TAX1BP1: variants seen among roughly 807,000 people sequenced by gnomAD.
TAX1BP1 encodes Tax1 binding protein 1, also known as tax1-binding protein 1.
A neutral mutation model predicts 97.7 loss-of-function variants in TAX1BP1; 62 were observed. The ratio of observed to expected loss-of-function variants is 0.63; its 90% confidence interval spans 0.52 to 0.78. The LOEUF (loss-of-function observed/expected upper bound fraction) is 0.78. TAX1BP1 is among the 30% of genes least tolerant of loss of function. The probability of loss-of-function intolerance (pLI) is 0.00; values close to 1 mark genes in which losing one functional copy is unlikely to be tolerated. For synonymous variants in TAX1BP1, 340 were observed against 304.2 expected (o/e 1.12, Z -1.23); for missense variants, 867 against 916.1 (o/e 0.95, Z 0.69).
At chr7:27,804,900 A>G (rs945764800) in intron 13 of TAX1BP1, among the ~76,000 whole-genome samples, 1 of 152,170 alleles carries the variant, frequency 6.6e-6, no homozygotes, top group African/African-American at 2.4e-5. Context: ...CATTATACAT[A>G]CCATAATTTA....
rs773876207 is a variant in TAX1BP1 at position 27,766,040 on chromosome 7, A to T, written c.453+19A>T. On this transcript the variant is annotated intron_variant, in intron 4 of 16. Transcript: ENST00000396319. ...TCTTGAGGTTGGTGTTCACAGTGAG[A>T]TAGTGATTCATTGATAATTTTAAGA... 1 of 1,601,212 alleles carries T rather than the reference A, an allele frequency of 6.2e-7. No homozygotes were observed. Among genetic ancestry groups the T allele is most frequent in the Non-Finnish European group, 8.5e-7 (1 of 1,172,570 alleles).
intron 3 of TAX1BP1, among the ~76,000 whole-genome samples, chr7:27,762,540 A>G (rs760751101): frequency 6.6e-6 from 1 of 152,078 alleles, no homozygotes; most frequent in African/African-American, 2.4e-5. Context: ...GTTGAAAAAA[A>G]TTTATTCAAT....
intron 3 of TAX1BP1, among the ~76,000 whole-genome samples, chr7:27,762,859 G>A (rs1209057252): frequency 6.6e-6 from 1 of 152,142 alleles, no homozygotes; most frequent in East Asian, 1.9e-4. Context: ...GGCTGAGGTG[G>A]GGAGGATCAC....
At chr7:27,783,069 G>C (rs1789325500) in intron 5 of TAX1BP1, among the ~76,000 whole-genome samples, 1 of 152,150 alleles carries the variant, frequency 6.6e-6, no homozygotes, top group Non-Finnish European at 1.5e-5. Flanking sequence ...TTAGGAGTGG[G>C]AGGAAAGTCC....
chr7:27,773,545 A>G (rs930477569), intron 5 of TAX1BP1, among the ~76,000 whole-genome samples: 1 of 152,090 alleles, frequency 6.6e-6, no homozygotes, highest in Non-Finnish European at 1.5e-5. Flanking sequence ...GAATGGAATC[A>G]TATAATATGT....
At chr7:27,764,905 G>T (rs1788563819) in intron 3 of TAX1BP1, among the ~76,000 whole-genome samples, 1 of 142,838 alleles carries the variant, frequency 7.0e-6, no homozygotes, top group African/African-American at 2.6e-5. Flanking sequence ...ATTTTTTTTT[G>T]ACATGCTCCA....
chr7:27,826,106 C>T (rs1791169260), intron 15 of TAX1BP1, among the ~76,000 whole-genome samples: 1 of 152,156 alleles, frequency 6.6e-6, no homozygotes, highest in African/African-American at 2.4e-5. Flanking sequence ...AATTCACTGT[C>T]CTACATACTA....
chr7:27,825,115 T>A (rs1324946859), intron 15 of TAX1BP1, among the ~76,000 whole-genome samples: 2 of 152,010 alleles, frequency 1.3e-5, no homozygotes, highest in Non-Finnish European at 2.9e-5. Context: ...AAAAAATCAG[T>A]GTTACATGGT....
At chr7:27,769,921 T>G in intron 5 of TAX1BP1, 87 bp downstream of exon 5, 1 of 1,328,848 alleles carries the variant, frequency 7.5e-7, no homozygotes, top group Non-Finnish European at 1.1e-6. Context: ...ATTAAGTAAG[T>G]GAAAACCAGG....
intron 12 of TAX1BP1, among the ~76,000 whole-genome samples, chr7:27,799,283 C>G (rs985799063): frequency 6.6e-5 from 10 of 152,128 alleles, no homozygotes; most frequent in African/African-American, 2.4e-4. Flanking sequence ...TTTAAGCGTT[C>G]ACATTGAACA....
rs932294140 is a variant in TAX1BP1 at position 27,796,018 on chromosome 7, A to G, written c.1535-98A>G. ...TCTGTCCTTCAGCATTCCATTTACT[A>G]TATTTTACAGTATACTGACCTTTAA... On this transcript the variant is annotated intron_variant, in intron 11 of 16. Coordinates refer to ENST00000396319, the MANE Select transcript of TAX1BP1 (RefSeq NM_006024.7). 4.8e-5 allele frequency: 39 copies of G among 816,686 alleles called. 1 individual carries two copies. The highest frequency in any genetic ancestry group is 4.1e-4 in the African/African-American group (23 of 55,946). The allele number at this position is 816,686 out of a possible 1,614,324, so 50.6% of individuals were successfully genotyped here.
rs1789787579 is a variant in TAX1BP1, at chr7:27,793,212, A to G, written c.1410A>G (p.Ser470=). ...QKQINKLSDQ[S]ANNNNVFTKK... ...AAATAAACAAACTTTCAGATCAATC[A>G]GTAAGTATCATTAAATTTACACATA... is the stretch of plus-strand genomic sequence containing the variant. Residue 470 remains serine (S), a splice_region_variant and synonymous_variant, in exon 10 of 17, where the codon TCA becomes TCG. Coordinates refer to ENST00000396319, the MANE Select transcript of TAX1BP1 (RefSeq NM_006024.7). The G allele has an allele frequency of 6.4e-7, 1 of 1,570,840 alleles. No individual in the cohort carries two copies. Among genetic ancestry groups the G allele is most frequent in the Non-Finnish European group, 8.6e-7 (1 of 1,169,144 alleles).
In TAX1BP1 at chr7:27,788,656, AC is replaced by A. The variant is rs1348154547; in HGVS notation, c.1038+1056del. Among the ~76,000 whole-genome samples, 13 of 152,106 alleles carry A rather than the reference AC, an allele frequency of 8.5e-5. No individual in the cohort carries two copies. The East Asian group carries it at 2.5e-3, about 29-fold the overall frequency. On this transcript the variant is annotated intron_variant, in intron 8 of 16. Coordinates refer to ENST00000396319, the MANE Select transcript of TAX1BP1 (RefSeq NM_006024.7). ...CATAATCATCATTATTCTTTTTCAT[AC>A]CCAAATTGTTCTGAATTTAACCAGG...
At chr7:27,814,849 G>T (rs1244478468) in intron 13 of TAX1BP1, among the ~76,000 whole-genome samples, 1 of 151,782 alleles carries the variant, frequency 6.6e-6, no homozygotes, top group East Asian at 1.9e-4. Context: ...AATTCTTTCT[G>T]CCTCAGCCTC....
Position 27,802,961 on chromosome 7 carries a change from A to G in TAX1BP1, c.1764+2871A>G, listed in dbSNP as rs1375570397. On this transcript the variant is annotated intron_variant, in intron 13 of 16. Coordinates refer to ENST00000396319, the MANE Select transcript of TAX1BP1 (RefSeq NM_006024.7). ...CAAGTTGGTCAATAAATGACAAGTA[A>G]TTCAGAGAAGTCAAAGAATTAGCTG... 4 of 701,206 alleles carry G rather than the reference A, an allele frequency of 5.7e-6. No individual in the cohort carries two copies. In the East Asian group the frequency reaches 1.2e-4, roughly 21 times the overall value. The allele number at this position is 701,206 out of a possible 1,614,324, so 43.4% of individuals were successfully genotyped here.
At chr7:27,777,008 C>G (rs1266694807) in intron 5 of TAX1BP1, among the ~76,000 whole-genome samples, 3 of 151,812 alleles carry the variant, frequency 2.0e-5, no homozygotes, top group Non-Finnish European at 4.4e-5. Context: ...TTTTTCATGT[C>G]TTTCATGTTT....
rs566558379 is a variant in TAX1BP1, at chr7:27,817,140, G to A, written c.2085+102G>A. 1.0e-5 allele frequency: 14 copies of A among 1,358,398 alleles called. No homozygotes were observed. In the East Asian group the frequency reaches 2.9e-4, roughly 28 times the overall value. The allele number at this position is 1,358,398 out of a possible 1,614,324, so 84.1% of individuals were successfully genotyped here. A position where few individuals can be genotyped will look rare whatever the true frequency, so the allele number is the denominator to read the frequency against. On this transcript the variant is annotated intron_variant, in intron 15 of 16. Transcript: ENST00000396319. Reference sequence around the variant, plus strand: ...CATATGTGTATCTTTGTGCGTGCATGCGTGTGTGTGGAAGGAGAGTGTGTG... The same window carrying A: ...CATATGTGTATCTTTGTGCGTGCATACGTGTGTGTGGAAGGAGAGTGTGTG...
chr7:27,747,790 T>C (rs767408985), intron 1 of TAX1BP1, among the ~76,000 whole-genome samples: 9 of 145,644 alleles, frequency 6.2e-5, no homozygotes, highest in Non-Finnish European at 1.2e-4. Context: ...GGCAGGGCTA[T>C]GTATATTCGT....
In TAX1BP1 at chr7:27,769,501, T is replaced by C. The variant is rs73295563; in HGVS notation, c.454-175T>C. Among the ~76,000 whole-genome samples, 966 of 152,112 alleles carry C rather than the reference T, an allele frequency of 6.4e-3. 12 individuals carry two copies. Among genetic ancestry groups the C allele is most frequent in the African/African-American group, 0.022 (929 of 41,558 alleles). ...AAAGAAGGTTTAAATTTATGATTGA[T>C]GAATTTTTCTAACTGAAGGCTAAAA... On this transcript the variant is annotated intron_variant, in intron 4 of 16. Coordinates refer to ENST00000396319, the MANE Select transcript of TAX1BP1 (RefSeq NM_006024.7).
Sources: allele counts gnomAD v4.1 joint callset (sites outside exome capture counted in the v4.1 genomes callset), GRCh38; gene constraint gnomAD v4.1.1; transcripts MANE v1.5; gene names NCBI Gene and HGNC (gene_info 2026-07-23, HGNC 2026-07-21).